The following SGCD variants were observed in gnomAD, a reference collection of about 807,000 sequenced individuals.
The protein encoded by SGCD is sarcoglycan delta, also known as delta-sarcoglycan.
In SGCD, 18 loss-of-function variants were observed where a neutral mutation model predicts 36.6. The observed-to-expected ratio is 0.49, with a 90% confidence interval of 0.34 to 0.73. SGCD has a LOEUF of 0.73. Among genes scored for constraint, SGCD ranks in the 30% least tolerant of loss-of-function variants. The pLI is 0.01. For missense variants in SGCD, 387 were observed against 346.7 expected (o/e 1.12, Z -0.92); for synonymous variants, 133 against 130.6 (o/e 1.02, Z -0.12).
chr5:156,329,061 G>A (rs1286927266), intron 1 of SGCD, among the ~76,000 whole-genome samples: 7 of 152,112 alleles, frequency 4.6e-5, no homozygotes, highest in Admixed American at 4.6e-4. Flanking sequence ...CTTGAAACTT[G>A]GTAGAAACTC....
chr5:156,180,279 T>A (rs1581151117), intron 3 of SGCD, among the ~76,000 whole-genome samples: 1 of 152,286 alleles, frequency 6.6e-6, no homozygotes, highest in South Asian at 2.1e-4. Context: ...GGTGAACTAT[T>A]AAAAGCTTTT....
intron 3 of SGCD, among the ~76,000 whole-genome samples, chr5:156,258,509 G>T (rs1387952969): frequency 1.3e-5 from 2 of 152,076 alleles, no homozygotes; most frequent in Admixed American, 6.6e-5. Context: ...TTGGGTGTTG[G>T]TTTACTATCA....
At chr5:156,333,649 A>G (rs1768175132) in intron 2 of SGCD, among the ~76,000 whole-genome samples, 1 of 152,154 alleles carries the variant, frequency 6.6e-6, no homozygotes, top group African/African-American at 2.4e-5. Flanking sequence ...TCAACTGTAA[A>G]ATAGAAATGA....
chr5:155,823,168 G>T, the SGCD span, among the ~76,000 whole-genome samples: 1 of 151,526 alleles, frequency 6.6e-6, no homozygotes, highest in African/African-American at 2.4e-5. Context: ...TTATTATGAG[G>T]AATATGTTCT....
intron 3 of SGCD, among the ~76,000 whole-genome samples, chr5:156,159,677 G>GGAAATTCA (rs1763045304): frequency 2.0e-5 from 3 of 151,538 alleles, no homozygotes; most frequent in Non-Finnish European, 4.4e-5. Flanking sequence ...ATATAGAAAA[G>GGAAATTCA]TATCTACAGG....
chr5:155,953,461 C>T (rs1337231876), intron 1 of SGCD, among the ~76,000 whole-genome samples: 1 of 152,126 alleles, frequency 6.6e-6, no homozygotes, highest in Non-Finnish European at 1.5e-5. Flanking sequence ...GAAACCATGG[C>T]CTGCAAAGCC....
chr5:156,282,809 G>T (rs894725087), intron 3 of SGCD, among the ~76,000 whole-genome samples: 1 of 152,092 alleles, frequency 6.6e-6, no homozygotes, highest in African/African-American at 2.4e-5. Flanking sequence ...TAAAGAGAAA[G>T]ATTGACATTA....
intron 1 of SGCD, among the ~76,000 whole-genome samples, chr5:156,056,661 AAAAAC>A (rs1010785842): frequency 1.0e-4 from 13 of 129,144 alleles, no homozygotes; most frequent in Admixed American, 3.7e-4. Flanking sequence ...AAAAAAAAAA[AAAAAC>A]AGTCTCCAAA....
intron 1 of SGCD, among the ~76,000 whole-genome samples, chr5:155,920,049 C>T (rs1229745349): frequency 6.6e-6 from 1 of 152,114 alleles, no homozygotes. Context: ...ATTTAGAACC[C>T]TAGATGCGAT....
At chr5:155,997,045 A>G (rs530690187) in intron 1 of SGCD, among the ~76,000 whole-genome samples, 2 of 152,250 alleles carry the variant, frequency 1.3e-5, no homozygotes, top group East Asian at 3.9e-4. Flanking sequence ...CTTTGGAAGG[A>G]CTTAACATTT....
chr5:156,232,010 C>T (rs1403218731), intron 3 of SGCD, among the ~76,000 whole-genome samples: 1 of 152,098 alleles, frequency 6.6e-6, no homozygotes, highest in Non-Finnish European at 1.5e-5. Flanking sequence ...GCCATTAGAA[C>T]ATTAGATGGA....
chr5:155,889,192 T>C (rs984342453), intron 1 of SGCD, among the ~76,000 whole-genome samples: 2 of 152,202 alleles, frequency 1.3e-5, no homozygotes, highest in Non-Finnish European at 2.9e-5. Flanking sequence ...CCTTCAAATA[T>C]ATTGATTCCA....
chr5:156,569,442 A>C (rs1374773371), intron 4 of SGCD, among the ~76,000 whole-genome samples: 1 of 152,086 alleles, frequency 6.6e-6, no homozygotes, highest in Admixed American at 6.5e-5. Flanking sequence ...AAATACAAAA[A>C]TTAGCCAGGC....
At chr5:156,274,026 T>G (rs1452802894) in intron 3 of SGCD, among the ~76,000 whole-genome samples, 1 of 152,090 alleles carries the variant, frequency 6.6e-6, no homozygotes, top group Non-Finnish European at 1.5e-5. Context: ...AAGCTCCATT[T>G]GCATCCCCAG....
intron 3 of SGCD, among the ~76,000 whole-genome samples, chr5:156,147,921 C>G (rs1354928234): frequency 6.6e-6 from 1 of 152,122 alleles, no homozygotes; most frequent in African/African-American, 2.4e-5. Flanking sequence ...CAAATGTACT[C>G]CTGAATGAAA....
chr5:156,031,367 AG>A (rs1337543454), intron 1 of SGCD, among the ~76,000 whole-genome samples: 3 of 152,184 alleles, frequency 2.0e-5, no homozygotes, highest in Non-Finnish European at 2.9e-5. Context: ...TACAGTGAGC[AG>A]GCAGAAGAGA....
intron 3 of SGCD, among the ~76,000 whole-genome samples, chr5:156,372,737 A>G (rs1048667510): frequency 2.0e-5 from 3 of 152,194 alleles, no homozygotes; most frequent in African/African-American, 4.8e-5. Context: ...CAAATTAGAC[A>G]TTTTGAAGCT....
chr5:156,208,635 G>A (rs1764354039), intron 3 of SGCD, among the ~76,000 whole-genome samples: 1 of 152,160 alleles, frequency 6.6e-6, no homozygotes, highest in South Asian at 2.1e-4. Context: ...ATCACAATGT[G>A]CCTTAAAATA....
intron 1 of SGCD, among the ~76,000 whole-genome samples, chr5:155,956,813 AATC>A (rs1390989753): frequency 7.2e-6 from 1 of 139,192 alleles, no homozygotes; most frequent in African/African-American, 2.7e-5. Flanking sequence ...CCCCCCGGTT[AATC>A]CAGGATGATC....
Sources: allele counts gnomAD v4.1 joint callset (sites outside exome capture counted in the v4.1 genomes callset), GRCh38; gene constraint gnomAD v4.1.1; transcripts MANE v1.5; gene names NCBI Gene and HGNC (gene_info 2026-07-23, HGNC 2026-07-21).